Variants in GRIA3 observed in about 807,000 individuals in gnomAD.
GRIA3 encodes glutamate receptor 3.
In GRIA3, 3 loss-of-function variants were observed where a neutral mutation model predicts 63.0. The ratio of observed to expected loss-of-function variants is 0.05; its 90% CI spans 0.02 to 0.12. The LOEUF (loss-of-function observed/expected upper bound fraction) is 0.12, where lower values mean the gene tolerates loss of function less well. Ranked by LOEUF, GRIA3 falls within the 10% of genes least tolerant of loss-of-function variation. The probability of loss-of-function intolerance (pLI) is 1.00; values close to 1 mark genes in which losing one functional copy is unlikely to be tolerated. For missense variants in GRIA3, 347 were observed against 700.9 expected (o/e 0.50, Z 5.70); for synonymous variants, 274 against 257.9 (o/e 1.06, Z -0.60).
At chrX:123,423,690 G>T (rs1042295095) in intron 11 of GRIA3, among the ~76,000 whole-genome samples, 1 of 111,366 alleles carries the variant, frequency 9.0e-6, no homozygotes, top group African/African-American at 3.3e-5. Context: ...TTGGAAGAAA[G>T]AAGAGAAAAA....
intron 2 of GRIA3, among the ~76,000 whole-genome samples, chrX:123,208,920 A>C (rs1927967273): frequency 8.9e-6 from 1 of 112,448 alleles, no homozygotes; most frequent in African/African-American, 3.2e-5. Context: ...AAAACATATG[A>C]TATAAATTCC....
chrX:123,428,067 T>C lies in GRIA3; in HGVS notation c.2004T>C (p.Ala668=). 1 of 1,203,869 alleles carries C rather than the reference T, an allele frequency of 8.3e-7. No homozygotes were observed. The highest frequency in any genetic ancestry group is 1.1e-6 in the Non-Finnish European group (1 of 888,427). ...GGATGGTTTCTCCCATAGAGAGTGCTGAAGACTTAGCTAAACAGACTGAAA... is the reference window on the plus strand; with the variant it reads ...GGATGGTTTCTCCCATAGAGAGTGCCGAAGACTTAGCTAAACAGACTGAAA... The part of the protein sequence containing the change: ...VERMVSPIES[A]EDLAKQTEIA... The change falls in exon 12 of 16, where the codon GCT becomes GCC. Residue 668 remains alanine, a synonymous_variant. Transcript: ENST00000620443.
chrX:123,356,028 G>T (rs1431549697), intron 5 of GRIA3, among the ~76,000 whole-genome samples: 1 of 111,374 alleles, frequency 9.0e-6, no homozygotes, highest in Non-Finnish European at 1.9e-5. Context: ...TCCATTTTGG[G>T]AATAAATGAA....
At chrX:123,204,910 G>A (rs188548359) in intron 2 of GRIA3, among the ~76,000 whole-genome samples, 1 of 111,346 alleles carries the variant, frequency 9.0e-6, no homozygotes, top group East Asian at 2.8e-4. Flanking sequence ...AAAAACCTCA[G>A]TAATTAATTG....
At chrX:123,486,572 T>C (rs113746553) in intron 15 of GRIA3, among the ~76,000 whole-genome samples, 13,979 of 111,707 alleles carry the variant, frequency 0.13, 711 homozygotes, top group Non-Finnish European at 0.15. Flanking sequence ...ACCTCACTTG[T>C]GTTAGTCAAG....
intron 13 of GRIA3, among the ~76,000 whole-genome samples, chrX:123,472,022 T>TATATATATATATATATATATATATATA (rs2045866287): frequency 1.3e-5 from 1 of 76,498 alleles, no homozygotes; most frequent in Admixed American, 1.5e-4. Flanking sequence ...TATATATATA[T>TATATATATATATATATATATATATATA]GACTATTTGT....
At chrX:123,233,122 T>C (rs2044284212) in intron 2 of GRIA3, among the ~76,000 whole-genome samples, 1 of 110,904 alleles carries the variant, frequency 9.0e-6, no homozygotes, top group Non-Finnish European at 1.9e-5. Flanking sequence ...AGAGTCTACT[T>C]AGCCACTGGA....
chrX:123,242,733 C>A (rs1292362124), intron 2 of GRIA3, among the ~76,000 whole-genome samples: 1 of 112,340 alleles, frequency 8.9e-6, no homozygotes, highest in African/African-American at 3.2e-5. Context: ...ATTCTCTGCA[C>A]GAACCTGTGA....
chrX:123,483,497 T>C (rs1481511292), intron 15 of GRIA3, among the ~76,000 whole-genome samples: 1 of 112,454 alleles, frequency 8.9e-6, no homozygotes, highest in Non-Finnish European at 1.9e-5. Context: ...ACGCTAATCT[T>C]GCAAATCTGG....
chrX:123,344,273 C>T (rs1276212128), intron 4 of GRIA3, among the ~76,000 whole-genome samples: 4 of 112,346 alleles, frequency 3.6e-5, no homozygotes, highest in Non-Finnish European at 5.6e-5. Context: ...TGGTGCCCTA[C>T]CCATATCCCC....
chrX:123,380,330 A>C (rs1329943902), intron 5 of GRIA3, among the ~76,000 whole-genome samples: 50 of 111,840 alleles, frequency 4.5e-4, no homozygotes, highest in African/African-American at 1.6e-3. Flanking sequence ...TTTAATGATC[A>C]CCATTCTAAC....
chrX:123,446,380 A>AT (rs769878957), intron 12 of GRIA3, among the ~76,000 whole-genome samples: 14 of 112,204 alleles, frequency 1.2e-4, no homozygotes, highest in African/African-American at 4.5e-4. Context: ...CGAGTAGATA[A>AT]TGAGTGACCT....
At chrX:123,329,909 C>T (rs1465716820) in intron 4 of GRIA3, among the ~76,000 whole-genome samples, 1 of 111,818 alleles carries the variant, frequency 8.9e-6, no homozygotes, top group Non-Finnish European at 1.9e-5. Context: ...AAGAGATCCT[C>T]CACCACAGTA....
At chrX:123,436,695 G>A (rs186949444) in intron 12 of GRIA3, among the ~76,000 whole-genome samples, 48 of 111,962 alleles carry the variant, frequency 4.3e-4, no homozygotes, top group Non-Finnish European at 9.4e-5. Flanking sequence ...TTCTTTCTGA[G>A]GCTGCCAACT....
At chrX:123,413,178 T>C (rs1603141553) in intron 10 of GRIA3, among the ~76,000 whole-genome samples, 2 of 110,788 alleles carry the variant, frequency 1.8e-5, no homozygotes, top group Admixed American at 9.6e-5. Context: ...CCAAGTAGGG[T>C]TTTTTTAAAG....
chrX:123,366,410 T>A (rs1480999117), intron 5 of GRIA3, among the ~76,000 whole-genome samples: 3 of 111,349 alleles, frequency 2.7e-5, no homozygotes, highest in Non-Finnish European at 5.7e-5. Context: ...AATAGGGCAA[T>A]GATATTCCCG....
In GRIA3 at chrX:123,380,016, G is replaced by T. The variant is rs754786368; in HGVS notation, c.751-14952G>T. Among the ~76,000 whole-genome samples the T allele has an allele frequency of 1.9e-3, 209 of 110,532 alleles. 2 individuals carry two copies. The highest frequency in any genetic ancestry group is 6.7e-3 in the African/African-American group (203 of 30,336). ...GCATAGTATTCCATGGTGTATATGT[G>T]TCACATTTTCTTAATCCAGTCTATC... On this transcript the variant is annotated intron_variant, in intron 5 of 15. Coordinates refer to ENST00000620443, the MANE Select transcript of GRIA3 (RefSeq NM_007325.5).
At chrX:123,326,954 G>C (rs930652099) in intron 4 of GRIA3, among the ~76,000 whole-genome samples, 2 of 107,248 alleles carry the variant, frequency 1.9e-5, no homozygotes, top group African/African-American at 7.0e-5. Context: ...TTTTGAGACA[G>C]AGCAAGACTC....
chrX:123,285,577 C>CAAAAAAAAAA lies in GRIA3; in HGVS notation c.508+32051_508+32060dup, dbSNP rs59101106. Among the ~76,000 whole-genome samples the CAAAAAAAAAA allele has an allele frequency of 9.5e-3, 96 of 10,155 alleles. 1 individual carries two copies. The highest frequency in any genetic ancestry group is 0.011 in the Non-Finnish European group (71 of 6,337). The allele number at this position is 10,155 out of a possible 115,157, so 8.8% of individuals were successfully genotyped here. A position where few individuals can be genotyped will look rare whatever the true frequency, so the allele number is the denominator to read the frequency against. On this transcript the variant is annotated intron_variant, in intron 3 of 15. Coordinates refer to ENST00000620443, the MANE Select transcript of GRIA3 (RefSeq NM_007325.5). ...AAATACTTTCCAAGCAAATGAAAAG[C>CAAAAAAAAAA]AAAAAAAAAAAAAAAAAAAAAAAAA...
Sources: allele counts gnomAD v4.1 joint callset (sites outside exome capture counted in the v4.1 genomes callset), GRCh38; gene constraint gnomAD v4.1.1; transcripts MANE v1.5; gene names NCBI Gene and HGNC (gene_info 2026-07-23, HGNC 2026-07-21).